Variants in CCDC30 observed in about 807,000 individuals in gnomAD.
CCDC30 encodes coiled-coil domain-containing protein 30.
In CCDC30, 70 loss-of-function variants were observed where a neutral mutation model predicts 100.2. The ratio of observed to expected loss-of-function variants is 0.70; its 90% CI spans 0.58 to 0.85. CCDC30 has a LOEUF of 0.85. Ranked by LOEUF, CCDC30 falls within the 40% of genes least tolerant of loss-of-function variation. The pLI is 0.00. For synonymous variants in CCDC30, 233 were observed against 269.5 expected (o/e 0.86, Z 1.33); for missense variants, 652 against 771.2 (o/e 0.85, Z 1.83).
rs367551760 is a variant in CCDC30, at chr1:42,622,642, T to G, written c.1277+11552T>G. 1.6e-4 allele frequency among the ~76,000 whole-genome samples: 24 copies of G among 152,222 alleles called. No homozygotes were observed. In the East Asian group the frequency reaches 3.3e-3, roughly 21 times the overall value. On this transcript the variant is annotated intron_variant, in intron 11 of 16. Transcript: ENST00000668663. ...TATGCACCACCGCACCTGGCTTTTTTTTTTCTTTGTATTTTTAGTAGAAAT... is the reference window on the plus strand; with the variant it reads ...TATGCACCACCGCACCTGGCTTTTTGTTTTCTTTGTATTTTTAGTAGAAAT...
intron 11 of CCDC30, among the ~76,000 whole-genome samples, chr1:42,634,249 CAAAAAAAAAAAAAAAA>C (rs754829759): frequency 8.7e-6 from 1 of 115,318 alleles, no homozygotes; most frequent in Non-Finnish European, 1.8e-5. Context: ...AAGACTGTCT[CAAAAAAAAAAAAAAAA>C]AAAAAAAAAC....
rs770306943 is a variant in CCDC30 at position 42,577,238 on chromosome 1, C to T, written c.846+9C>T. 1.7e-5 allele frequency: 27 copies of T among 1,578,610 alleles called. No homozygotes were observed. The highest frequency in any genetic ancestry group is 2.4e-5 in the Non-Finnish European group (27 of 1,148,312). On this transcript the variant is annotated intron_variant, in intron 8 of 16. Coordinates refer to ENST00000668663, the Ensembl canonical transcript of CCDC30. ...CTGATGCAGAGGAAAAGGTAATTATCCTCATGCTTAATAAACAGCATACAC... is the reference window on the plus strand; with the variant it reads ...CTGATGCAGAGGAAAAGGTAATTATTCTCATGCTTAATAAACAGCATACAC...
At chr1:42,498,713 C>G in intron 5 of CCDC30, 105 bp from the exon 6 acceptor site, 1 of 483,406 alleles carries the variant, frequency 2.1e-6, no homozygotes, top group Non-Finnish European at 3.3e-6. Context: ...TGAAGATTTA[C>G]AAGGAGAATG....
chr1:42,468,986 T>G (rs1643677844), intron 1 of CCDC30, among the ~76,000 whole-genome samples: 1 of 146,412 alleles, frequency 6.8e-6, no homozygotes, highest in Admixed American at 6.8e-5. Flanking sequence ...GACATAGGAG[T>G]CAAAACAGGA....
At chr1:42,634,266 A>AC (rs1647103202) in intron 11 of CCDC30, among the ~76,000 whole-genome samples, 2 of 149,740 alleles carry the variant, frequency 1.3e-5, no homozygotes, top group Admixed American at 6.6e-5. Context: ...AAAAAAAAAA[A>AC]AAAAAAAACA....
intron 7 of CCDC30, among the ~76,000 whole-genome samples, chr1:42,567,280 T>G (rs1051901765): frequency 1.3e-5 from 2 of 152,204 alleles, no homozygotes; most frequent in Non-Finnish European, 2.9e-5. Flanking sequence ...GTTTATATAT[T>G]ATGACTGCTT....
At chr1:42,643,527 C>A (rs144448837) in intron 13 of CCDC30, among the ~76,000 whole-genome samples, 15 of 152,318 alleles carry the variant, frequency 9.8e-5, no homozygotes, top group African/African-American at 3.4e-4. Context: ...TAGCTTCTGA[C>A]AGTCAGGATC....
intron 10 of CCDC30, among the ~76,000 whole-genome samples, chr1:42,601,943 GA>G (rs1646411850): frequency 6.6e-6 from 1 of 152,108 alleles, no homozygotes. Flanking sequence ...ACACAGAAAA[GA>G]AATTCAGAAA....
intron 13 of CCDC30, 98 bp downstream of exon 17, chr1:42,642,707 C>A (rs1570338772): frequency 8.5e-7 from 1 of 1,183,344 alleles, no homozygotes; most frequent in Non-Finnish European, 1.1e-6. Context: ...GAGTTTGTAG[C>A]CTACCCTATG....
chr1:42,522,387 A>G (rs907220182), intron 6 of CCDC30, among the ~76,000 whole-genome samples: 2 of 151,914 alleles, frequency 1.3e-5, no homozygotes, highest in Admixed American at 6.6e-5. Context: ...TCATTTTGCT[A>G]TTTGTCTTCT....
chr1:42,459,570 T>G, upstream of CCDC30: 1 of 1,574,994 alleles, frequency 6.3e-7, no homozygotes, highest in South Asian at 1.1e-5. Context: ...ATGACCATTG[T>G]TTGCTTATTA....
intron 3 of CCDC30, among the ~76,000 whole-genome samples, chr1:42,489,034 C>T (rs374097950): frequency 6.6e-4 from 101 of 152,230 alleles, no homozygotes; most frequent in African/African-American, 1.9e-3. Context: ...GTCCTACCTC[C>T]TATATTACTC....
intron 3 of CCDC30, among the ~76,000 whole-genome samples, chr1:42,483,494 G>A (rs371935977): frequency 1.2e-4 from 18 of 152,232 alleles, no homozygotes; most frequent in African/African-American, 4.3e-4. Flanking sequence ...TGAGATTTTA[G>A]TTCCTCCACC....
At chr1:42,637,458 A>C (rs1342006675) in intron 12 of CCDC30, 80 bp downstream of exon 16, 1 of 1,377,206 alleles carries the variant, frequency 7.3e-7, no homozygotes, top group Non-Finnish European at 1.0e-6. Flanking sequence ...TCATTTTAAA[A>C]ATTATTTGAG....
intron 6 of CCDC30, among the ~76,000 whole-genome samples, chr1:42,563,949 T>G (rs1000354766): frequency 6.6e-6 from 1 of 152,154 alleles, no homozygotes; most frequent in Non-Finnish European, 1.5e-5. Flanking sequence ...CTAGGGATCT[T>G]GCAGCTCTAA....
At chr1:42,615,785 T>G (rs541407539) in intron 11 of CCDC30, among the ~76,000 whole-genome samples, 5 of 152,220 alleles carry the variant, frequency 3.3e-5, no homozygotes, top group Non-Finnish European at 5.9e-5. Flanking sequence ...CAGCATGTAC[T>G]TCCTGTCAAC....
intron 11 of CCDC30, among the ~76,000 whole-genome samples, chr1:42,617,994 C>A (rs1308915161): frequency 2.0e-5 from 3 of 152,174 alleles, no homozygotes; most frequent in Non-Finnish European, 4.4e-5. Context: ...TGAACAAGAA[C>A]AGCTTGGAGG....
Position 42,469,860 on chromosome 1 carries a change from T to C in CCDC30, c.-92+5962T>C, listed in dbSNP as rs932902425. Among the ~76,000 whole-genome samples the C allele has an allele frequency of 3.9e-5, 6 of 152,028 alleles. No homozygotes were observed. In the South Asian group the frequency reaches 1.3e-3, roughly 32 times the overall value. ...GAGATATTCAGTTTGATGGGAGAGGTAAAAGTTTTGAATAGTTGCTGAGTG... is the reference window on the plus strand; with the variant it reads ...GAGATATTCAGTTTGATGGGAGAGGCAAAAGTTTTGAATAGTTGCTGAGTG... On this transcript the variant is annotated intron_variant, in intron 1 of 16. Transcript: ENST00000668663.
At chr1:42,576,805 C>T (rs1028994225) in intron 7 of CCDC30, among the ~76,000 whole-genome samples, 1 of 152,130 alleles carries the variant, frequency 6.6e-6, no homozygotes, top group African/African-American at 2.4e-5. Flanking sequence ...ATGTTTAGAC[C>T]ATGCATATAT....
Sources: gnomAD v4.1 joint callset for allele counts (sites outside exome capture counted in the v4.1 genomes callset) on GRCh38, gnomAD v4.1.1 for gene constraint, MANE v1.5 for transcripts, NCBI Gene and HGNC (gene_info 2026-07-23, HGNC 2026-07-21) for gene names.